The following ARHGAP23 variants were observed in gnomAD, a reference collection of about 807,000 sequenced individuals.
ARHGAP23 encodes the protein rho GTPase-activating protein 23.
A neutral mutation model predicts 136.3 loss-of-function variants in ARHGAP23; 34 were observed. The observed-to-expected ratio is 0.25, with a 90% CI of 0.19 to 0.33. The LOEUF (loss-of-function observed/expected upper bound fraction) is 0.33, where lower values mean the gene tolerates loss of function less well. Among genes scored for constraint, ARHGAP23 ranks in the 10% least tolerant of loss-of-function variants. ARHGAP23 has a pLI of 1.00. For missense variants in ARHGAP23, 1,808 were observed against 2,139.0 expected, an observed-to-expected ratio of 0.85 and a Z score of 3.05; for synonymous variants, 832 against 920.5, an observed-to-expected ratio of 0.90 and a Z score of 1.74.
chr17:38,432,630 G>T (rs1268557402), intron 1 of ARHGAP23, among the ~76,000 whole-genome samples: 2 of 151,838 alleles, frequency 1.3e-5, no homozygotes, highest in Non-Finnish European at 2.9e-5. Context: ...AATGAGCCAA[G>T]ATCACGCCAT....
intron 1 of ARHGAP23, among the ~76,000 whole-genome samples, chr17:38,453,287 G>A (rs1270979361): frequency 1.3e-5 from 2 of 152,000 alleles, no homozygotes; most frequent in African/African-American, 2.4e-5. Context: ...CATAGGGTGA[G>A]TGTGTGTGGG....
chr17:38,478,080 C>T (rs1385335062), intron 12 of ARHGAP23, among the ~76,000 whole-genome samples, 184 bp downstream of exon 12: 4 of 152,160 alleles, frequency 2.6e-5, no homozygotes, highest in Admixed American at 1.3e-4. Flanking sequence ...GCAGGGCTCA[C>T]GGGGGACCTG....
intron 23 of ARHGAP23, among the ~76,000 whole-genome samples, chr17:38,501,850 T>C (rs1367474362): frequency 6.6e-6 from 1 of 151,416 alleles, no homozygotes; most frequent in African/African-American, 2.4e-5. Flanking sequence ...TTTTTTAAAT[T>C]TTTAAACAAT....
chr17:38,510,626 GC>G lies in ARHGAP23; in HGVS notation c.4131del (p.Gly1378AlafsTer37). 7.4e-7 allele frequency: 1 copy of G among 1,345,660 alleles called. No individual in the cohort carries two copies. 83.4% of individuals were successfully genotyped at this position (1,345,660 alleles called of 1,614,324 possible). On this transcript the variant is annotated frameshift_variant, in exon 24 of 24. Coordinates refer to ENST00000622683, the MANE Select transcript of ARHGAP23 (RefSeq NM_001199417.2). LOFTEE classifies it high-confidence loss of function. This position sits in a 1 kb window ranked among gnomAD's most constrained non-coding sequence, Gnocchi z 4.6. The part of the protein sequence containing the change: ...SRMEALRLRL[R>X]GTADDMLAVR... ...ATGGAGGCGCTGCGTCTAAGGCTCC[GC>G]GGCACGGCGGACGACATGCTCGCCG...
chr17:38,457,841 C>T, intron 1 of ARHGAP23: 1 of 569,468 alleles, frequency 1.8e-6, no homozygotes, highest in South Asian at 2.1e-5. Context: ...GAACTTGCTT[C>T]AGTGAGTTAT....
chr17:38,420,280 G>A (rs529045064), intron 1 of ARHGAP23, among the ~76,000 whole-genome samples: 29 of 152,370 alleles, frequency 1.9e-4, no homozygotes, highest in South Asian at 4.1e-4. Flanking sequence ...GAGCGAGGGG[G>A]CTGCTCCAGG....
At chr17:38,488,957 C>T (rs1233730495) in intron 17 of ARHGAP23, among the ~76,000 whole-genome samples, 3 of 152,048 alleles carry the variant, frequency 2.0e-5, no homozygotes, top group Admixed American at 1.3e-4. Context: ...CTCACTGCAA[C>T]CTCCGCCTCC....
At chr17:38,439,175 C>G (rs1462079866) in intron 1 of ARHGAP23, among the ~76,000 whole-genome samples, 1 of 148,620 alleles carries the variant, frequency 6.7e-6, no homozygotes, top group African/African-American at 2.5e-5. Flanking sequence ...GAGACTCTGT[C>G]TAAAAAAAAA....
chr17:38,461,204 C>T (rs1206801679), intron 3 of ARHGAP23, among the ~76,000 whole-genome samples: 1 of 152,226 alleles, frequency 6.6e-6, no homozygotes, highest in Non-Finnish European at 1.5e-5. Flanking sequence ...GTGGGCGGCA[C>T]TCTGGGGCGC....
intron 1 of ARHGAP23, chr17:38,453,679 G>T (rs1473142525): frequency 6.6e-6 from 1 of 150,410 alleles, no homozygotes; most frequent in Non-Finnish European, 1.5e-5. Flanking sequence ...CGGGCGTGTC[G>T]GGGCTCGGGC....
At chr17:38,497,757 T>G (rs1338069880) in intron 20 of ARHGAP23, 28 bp from the exon 21 acceptor site, 3 of 1,548,910 alleles carry the variant, frequency 1.9e-6, no homozygotes, top group Non-Finnish European at 2.6e-6. Flanking sequence ...CATGCTGATT[T>G]CATCCCTTCC....
At chr17:38,447,614 A>C (rs1015474698) in intron 1 of ARHGAP23, among the ~76,000 whole-genome samples, 1 of 152,120 alleles carries the variant, frequency 6.6e-6, no homozygotes, top group Non-Finnish European at 1.5e-5. Flanking sequence ...CTGAGGGGAA[A>C]GACACAGGCC....
Position 38,471,977 on chromosome 17 carries a change from T to C in ARHGAP23, c.2089T>C (p.Tyr697His), listed in dbSNP as rs2144674339. 1 of 1,549,612 alleles carries C rather than the reference T, an allele frequency of 6.5e-7. No individual in the cohort carries two copies. The highest frequency in any genetic ancestry group is 8.7e-7 in the Non-Finnish European group (1 of 1,146,810). Residue 697 changes from tyrosine (Y) to histidine (H), a missense_variant, in exon 11 of 24, where the codon TAT becomes CAT. Physicochemically the swap from Tyr to His is moderately conservative, Grantham distance 83. This residue lies in a region of ARHGAP23 where 139 missense variants were observed against 264.3 expected (regional missense o/e 0.53). Coordinates refer to ENST00000622683, the MANE Select transcript of ARHGAP23 (RefSeq NM_001199417.2). Reference protein sequence around the residue: ...SDIRREGWLYYKQILTKKGKK... With the variant: ...SDIRREGWLYHKQILTKKGKK... ...TATCAGGAGAGAAGGCTGGTTGTAT[T>C]ATAAGCAGATTCTCACCAAGAAGGG...
rs973375391 is a variant in ARHGAP23, at chr17:38,502,224, T to A, written c.3447+1596T>A. On this transcript the variant is annotated intron_variant, in intron 23 of 23. Coordinates refer to ENST00000622683, the MANE Select transcript of ARHGAP23 (RefSeq NM_001199417.2). ...AGGAGGCTGAGGCAGGATAATTGCTTGAACCTGGGAAGAGGAGGTTGCAGT... is the reference window on the plus strand; with the variant it reads ...AGGAGGCTGAGGCAGGATAATTGCTAGAACCTGGGAAGAGGAGGTTGCAGT... Among the ~76,000 whole-genome samples the A allele has an allele frequency of 3.9e-5, 6 of 152,208 alleles. No individual in the cohort carries two copies. In the East Asian group the frequency reaches 1.2e-3, roughly 29 times the overall value.
chr17:38,451,374 C>G (rs1597769772), intron 1 of ARHGAP23: 1 of 152,244 alleles, frequency 6.6e-6, no homozygotes, highest in African/African-American at 2.4e-5. Context: ...ATGGTTGATC[C>G]TTTCCAAGGT....
intron 6 of ARHGAP23, among the ~76,000 whole-genome samples, chr17:38,463,988 C>A (rs1208374858): frequency 6.6e-6 from 1 of 152,124 alleles, no homozygotes; most frequent in African/African-American, 2.4e-5. Context: ...CACACACCCA[C>A]AAACATTAAA....
At chr17:38,465,584 C>G (rs1876352170) in intron 6 of ARHGAP23, among the ~76,000 whole-genome samples, 1 of 152,238 alleles carries the variant, frequency 6.6e-6, no homozygotes, top group Admixed American at 6.5e-5. Context: ...ATTCCAGGCC[C>G]AGGGGTGGCA....
At chr17:38,447,437 GAAA>G (rs71138625) in intron 1 of ARHGAP23, among the ~76,000 whole-genome samples, 21 of 25,636 alleles carry the variant, frequency 8.2e-4, no homozygotes, top group Middle Eastern at 0.033. Flanking sequence ...GACTCCGTCT[GAAA>G]AAAAAAAAAA....
At chr17:38,472,429 C>T (rs759621655) in intron 11 of ARHGAP23, among the ~76,000 whole-genome samples, 5 of 148,986 alleles carry the variant, frequency 3.4e-5, no homozygotes, top group Non-Finnish European at 7.4e-5. Flanking sequence ...CAAAAGCTCT[C>T]GGGGGCTCTT....
Sources: gnomAD v4.1 joint callset for allele counts (sites outside exome capture counted in the v4.1 genomes callset) on GRCh38, gnomAD v4.1.1 for gene constraint, gnomAD v4.1.1 regional missense constraint, Gnocchi (gnomAD v3.1) non-coding constraint, MANE v1.5 for transcripts, NCBI Gene and HGNC (gene_info 2026-07-23, HGNC 2026-07-21) for gene names.